The following PCDH11X variants were observed in gnomAD, a reference collection of about 807,000 sequenced individuals.
The protein encoded by PCDH11X is protocadherin-11 X-linked.
A neutral mutation model predicts 53.3 loss-of-function variants in PCDH11X; 18 were observed. That is an observed-to-expected ratio of 0.34 (90% CI 0.23 to 0.50). The LOEUF (loss-of-function observed/expected upper bound fraction) is 0.50, where lower values mean the gene tolerates loss of function less well. PCDH11X is among the 20% of genes least tolerant of loss of function. The pLI is 0.98. For synonymous variants in PCDH11X, 279 were observed against 393.3 expected (o/e 0.71, Z 3.44); for missense variants, 570 against 1,032.4 (o/e 0.55, Z 6.14).
chrX:92,437,311 G>C (rs2072406225), intron 9 of PCDH11X, among the ~76,000 whole-genome samples: 1 of 111,415 alleles, frequency 9.0e-6, no homozygotes, highest in South Asian at 3.7e-4. Context: ...ACCAAATAAT[G>C]ATTTTAGTAA....
rs1180079810 is a variant in PCDH11X, at chrX:91,886,820, A to C, written c.3033+7547A>C. ...CCCCGTCTCTACTAAAAATACAAAA[A>C]ATTAGCTGGGCGTGGTGGCGGGCGC... On this transcript the variant is annotated intron_variant, in intron 6 of 10. Transcript: ENST00000682573. 1.5e-4 allele frequency among the ~76,000 whole-genome samples: 16 copies of C among 108,217 alleles called. No individual in the cohort carries two copies. The Admixed American group carries it at 1.6e-3, about 11-fold the overall frequency. 94.0% of individuals were successfully genotyped at this position (108,217 alleles called of 115,157 possible). A position where few individuals can be genotyped will look rare whatever the true frequency, so the allele number is the denominator to read the frequency against.
chrX:91,998,275 T>A, intron 6 of PCDH11X, among the ~76,000 whole-genome samples: 1 of 110,251 alleles, frequency 9.1e-6, no homozygotes, highest in Non-Finnish European at 1.9e-5. Context: ...GTAAGTTGTA[T>A]GTTTCCAGAA....
In PCDH11X at chrX:91,964,876, G is replaced by A. The variant is rs187085894; in HGVS notation, c.3033+85603G>A. On this transcript the variant is annotated intron_variant, in intron 6 of 10. Transcript: ENST00000682573. ...CAGCAGACAGCTCTTGAAAACAGGA[G>A]ACACACATAAGGGCAGAGCTGAAGG... Among the ~76,000 whole-genome samples the A allele has an allele frequency of 6.7e-3, 745 of 111,615 alleles. 6 individuals carry two copies. The highest frequency in any genetic ancestry group is 0.023 in the African/African-American group (716 of 30,717).
rs189249124 is a variant in PCDH11X, at chrX:92,430,372, A to G, written c.3344-37927A>G. ...TGCTTGATTAAAATATTAATTTTCC[A>G]ATTTCAATTGAGCAGTTTATGAATT... On this transcript the variant is annotated intron_variant, in intron 9 of 10. Coordinates refer to ENST00000682573, the MANE Select transcript of PCDH11X (RefSeq NM_032968.5). 3.2e-3 allele frequency among the ~76,000 whole-genome samples: 291 copies of G among 91,542 alleles called. 23 individuals carry two copies. The highest frequency in any genetic ancestry group is 6.0e-3 in the Middle Eastern group (1 of 167). The allele number at this position is 91,542 out of a possible 115,157, so 79.5% of individuals were successfully genotyped here.
At chrX:92,407,301 C>T (rs754242615) in intron 9 of PCDH11X, among the ~76,000 whole-genome samples, 1 of 111,557 alleles carries the variant, frequency 9.0e-6, no homozygotes, top group South Asian at 3.8e-4. Flanking sequence ...CAAAGAACAA[C>T]CTTGTACATG....
chrX:92,102,926 A>G (rs1236222744), intron 6 of PCDH11X, among the ~76,000 whole-genome samples: 2 of 111,784 alleles, frequency 1.8e-5, no homozygotes, highest in Non-Finnish European at 3.8e-5. Flanking sequence ...TTAAAAGGCC[A>G]TGCTGTAGCA....
intron 4 of PCDH11X, among the ~76,000 whole-genome samples, chrX:91,823,269 T>C (rs1193847066): frequency 9.0e-6 from 1 of 110,936 alleles, no homozygotes; most frequent in African/African-American, 3.3e-5. Flanking sequence ...ATGTTGACAG[T>C]GGGGTGTTAA....
intron 8 of PCDH11X, among the ~76,000 whole-genome samples, chrX:92,364,914 C>CAAA (rs57977407): frequency 8.3e-4 from 37 of 44,689 alleles, no homozygotes; most frequent in African/African-American, 2.5e-3. Flanking sequence ...ACCCTTTCTA[C>CAAA]AAAAAAAAAA....
At chrX:92,573,281 C>A (rs937981368) in intron 10 of PCDH11X, among the ~76,000 whole-genome samples, 12 of 111,527 alleles carry the variant, frequency 1.1e-4, no homozygotes, top group Non-Finnish European at 2.1e-4. Context: ...GAAAGAAAAA[C>A]AATCTTCAAT....
intron 7 of PCDH11X, among the ~76,000 whole-genome samples, chrX:92,222,325 A>G (rs1200680396): frequency 8.9e-6 from 1 of 111,793 alleles, no homozygotes; most frequent in African/African-American, 3.3e-5. Context: ...TTTAAATGTT[A>G]GTGCCCAAAT....
chrX:92,501,772 T>C (rs2073963321), intron 10 of PCDH11X, among the ~76,000 whole-genome samples: 1 of 111,486 alleles, frequency 9.0e-6, no homozygotes, highest in South Asian at 3.8e-4. Context: ...TCATACTGAA[T>C]GAGCAAAAGC....
chrX:92,318,593 G>T (rs2069130895), intron 8 of PCDH11X, among the ~76,000 whole-genome samples: 1 of 111,399 alleles, frequency 9.0e-6, no homozygotes, highest in Non-Finnish European at 1.9e-5. Flanking sequence ...GCACTGGTGT[G>T]AGGTCAGTGC....
intron 6 of PCDH11X, among the ~76,000 whole-genome samples, chrX:91,998,460 T>C (rs1420947108): frequency 6.7e-4 from 69 of 103,700 alleles, no homozygotes; most frequent in Non-Finnish European, 1.2e-3. Flanking sequence ...TGATAAAATT[T>C]GATAAAATTC....
At chrX:92,353,553 T>A (rs1454519390) in intron 8 of PCDH11X, among the ~76,000 whole-genome samples, 13 of 110,871 alleles carry the variant, frequency 1.2e-4, no homozygotes, top group Non-Finnish European at 7.6e-5. Flanking sequence ...CTCTTTGCTT[T>A]CAGAATAATT....
intron 10 of PCDH11X, among the ~76,000 whole-genome samples, chrX:92,612,995 A>G (rs1417682647): frequency 9.2e-6 from 1 of 108,176 alleles, no homozygotes; most frequent in African/African-American, 3.4e-5. Context: ...GAGTCTATGG[A>G]TGTTTATGCA....
chrX:92,409,810 G>T (rs1477308151), intron 9 of PCDH11X, among the ~76,000 whole-genome samples: 1 of 111,667 alleles, frequency 9.0e-6, no homozygotes. Context: ...ACCTCATTTT[G>T]CTTGTGCTTA....
chrX:92,596,882 C>T (rs980644732), intron 10 of PCDH11X, among the ~76,000 whole-genome samples: 1 of 109,075 alleles, frequency 9.2e-6, no homozygotes, highest in Non-Finnish European at 1.9e-5. Flanking sequence ...AGTCTTTATT[C>T]CTATTACACA....
chrX:92,404,342 C>A (rs1339791289), intron 9 of PCDH11X, among the ~76,000 whole-genome samples: 5 of 107,699 alleles, frequency 4.6e-5, no homozygotes, highest in African/African-American at 1.4e-4. Context: ...TATTTGGCAG[C>A]TTTAGTGTGG....
intron 6 of PCDH11X, among the ~76,000 whole-genome samples, chrX:91,951,747 G>A (rs1395760551): frequency 1.8e-5 from 2 of 109,420 alleles, no homozygotes; most frequent in Non-Finnish European, 3.8e-5. Context: ...AATTAATAAA[G>A]CCATGGAGCA....
Sources: allele counts gnomAD v4.1 joint callset (sites outside exome capture counted in the v4.1 genomes callset), GRCh38; gene constraint gnomAD v4.1.1; transcripts MANE v1.5; gene names NCBI Gene and HGNC (gene_info 2026-07-23, HGNC 2026-07-21).